Variants in SLC35F5 observed in about 807,000 individuals in gnomAD.
The protein encoded by SLC35F5 is solute carrier family 35 member F5.
In SLC35F5, 54 loss-of-function variants were observed where a neutral mutation model predicts 68.6. That is an observed-to-expected ratio of 0.79 (90% CI 0.63 to 0.99). The LOEUF (loss-of-function observed/expected upper bound fraction) is 0.99, where lower values mean the gene tolerates loss of function less well. Among genes scored for constraint, SLC35F5 ranks in the 50% least tolerant of loss-of-function variants. The pLI, the probability that SLC35F5 is intolerant of heterozygous loss-of-function variation, is 0.00. For missense variants in SLC35F5, 567 were observed against 626.9 expected, an observed-to-expected ratio of 0.90 and a Z score of 1.02; for synonymous variants, 211 against 205.2, an observed-to-expected ratio of 1.03 and a Z score of -0.24.
chr2:113,723,149 G>A lies in SLC35F5; in HGVS notation c.1296C>T (p.Ser432=), dbSNP rs773389335. 1.9e-6 allele frequency: 3 copies of A among 1,594,080 alleles called. No individual in the cohort carries two copies. Among genetic ancestry groups the A allele is most frequent in the East Asian group, 4.5e-5 (2 of 44,060 alleles). ...TSSLIGTLAL[S]LTIPLSIIAD... is the part of the protein sequence containing the mutation. ...CTATTATGGACAGAGGTATTGTAAG[G>A]CTTAGTGCAAGTGTGCCTATCAATG... is the stretch of plus-strand genomic sequence containing the variant. The change falls in exon 13 of 16, where the codon AGC becomes AGT. Residue 432 remains serine (S), a synonymous_variant. Transcript: ENST00000245680.
Position 113,712,780 on chromosome 2 carries a change from A to C in SLC35F5, c.*2438T>G, listed in dbSNP as rs1475689704. The C allele has an allele frequency of 6.6e-6, 1 of 152,264 alleles. No individual in the cohort carries two copies. Among genetic ancestry groups the C allele is most frequent in the Non-Finnish European group, 1.5e-5 (1 of 68,046 alleles). 9.4% of individuals were successfully genotyped at this position (152,264 alleles called of 1,614,324 possible). A position where few individuals can be genotyped will look rare whatever the true frequency, so the allele number is the denominator to read the frequency against. Reference sequence around the variant, plus strand: ...TTAAGTGATGAATGGAAAGAAAAGAAGGAGACTGAAAAGATATCAGAAATT... The same window carrying C: ...TTAAGTGATGAATGGAAAGAAAAGACGGAGACTGAAAAGATATCAGAAATT... On this transcript the variant is annotated 3_prime_UTR_variant, in exon 16 of 16. Transcript: ENST00000245680.
At position 113,706,884 on chromosome 2, in the gene SLC35F5, T is replaced by C. The variant is rs1203689329; in HGVS notation, c.*8334A>G. On this transcript the variant is annotated 3_prime_UTR_variant, in exon 16 of 16. Coordinates refer to ENST00000245680, the MANE Select transcript of SLC35F5 (RefSeq NM_025181.5). ...GCATTAAAAATCACAAATCTTATAT[T>C]TGGTTATCCACAGTCTATAAAATAA... is the stretch of plus-strand genomic sequence containing the variant. 6.6e-6 allele frequency among the ~76,000 whole-genome samples: 1 copy of C among 152,180 alleles called. No homozygotes were observed. The highest frequency in any genetic ancestry group is 2.4e-5 in the African/African-American group (1 of 41,442).
chr2:113,705,610 G>C (rs576850172), downstream of SLC35F5: 2 of 152,166 alleles, frequency 1.3e-5, no homozygotes, highest in Non-Finnish European at 2.9e-5. Context: ...CTAAAGGTTA[G>C]GATTGACAAA....
chr2:113,739,064 C>A (rs1451029977), intron 7 of SLC35F5, among the ~76,000 whole-genome samples: 1 of 151,888 alleles, frequency 6.6e-6, no homozygotes, highest in African/African-American at 2.4e-5. Flanking sequence ...TTCTATTGAA[C>A]AGCACTGCTC....
intron 15 of SLC35F5, among the ~76,000 whole-genome samples, chr2:113,716,956 T>C (rs780791851): frequency 2.6e-5 from 4 of 152,204 alleles, no homozygotes; most frequent in Non-Finnish European, 5.9e-5. Context: ...ACAGGAGTTG[T>C]ACAATGTTCT....
intron 6 of SLC35F5, 114 bp downstream of exon 6, chr2:113,743,599 T>A (rs1676369770): frequency 2.9e-6 from 2 of 698,370 alleles, no homozygotes; most frequent in Non-Finnish European, 4.9e-6. Flanking sequence ...ATAGGCTGAG[T>A]CAAGACCACA....
Position 113,707,617 on chromosome 2 carries a change from T to C in SLC35F5, c.*7601A>G, listed in dbSNP as rs548160902. Among the ~76,000 whole-genome samples, 1 of 152,202 alleles carries C rather than the reference T, an allele frequency of 6.6e-6. No individual in the cohort carries two copies. The highest frequency in any genetic ancestry group is 2.4e-5 in the African/African-American group (1 of 41,456). ...CTCTGTCACCCAGGCTGGAGTGCAG[T>C]GGTGTGATCTCAGCTCACTGCAACC... On this transcript the variant is annotated 3_prime_UTR_variant, in exon 16 of 16. Coordinates refer to ENST00000245680, the MANE Select transcript of SLC35F5 (RefSeq NM_025181.5).
intron 13 of SLC35F5, among the ~76,000 whole-genome samples, chr2:113,720,734 A>G (rs17048352): frequency 0.013 from 2,052 of 152,302 alleles, 53 homozygotes; most frequent in African/African-American, 0.046. Flanking sequence ...ATGCGATTAA[A>G]AATGTAGATA....
At chr2:113,741,070 T>C (rs544322240) in intron 7 of SLC35F5, among the ~76,000 whole-genome samples, 1 of 152,370 alleles carries the variant, frequency 6.6e-6, no homozygotes, top group East Asian at 1.9e-4. Context: ...AAAGATGGTA[T>C]ATCTGTACAA....
At chr2:113,706,363 G>T (rs986512071), downstream of SLC35F5, among the ~76,000 whole-genome samples, 1 of 152,102 alleles carries the variant, frequency 6.6e-6, no homozygotes, top group African/African-American at 2.4e-5. Flanking sequence ...TGCGGGGGTT[G>T]TGCTTCCTCT....
chr2:113,704,753 CCG>C (rs1686766179), downstream of SLC35F5, among the ~76,000 whole-genome samples: 1 of 152,098 alleles, frequency 6.6e-6, no homozygotes, highest in Non-Finnish European at 1.5e-5. Flanking sequence ...CCCGCAAGCA[CCG>C]CGCGCAGCCC....
intron 8 of SLC35F5, among the ~76,000 whole-genome samples, chr2:113,734,961 C>G (rs1688030328): frequency 6.6e-6 from 1 of 152,204 alleles, no homozygotes; most frequent in African/African-American, 2.4e-5. Context: ...TTCAGAGTAA[C>G]ATGCTGACTT....
At chr2:113,742,664 A>G (rs537858238) in intron 7 of SLC35F5, 28 bp downstream of exon 7, 1 of 1,608,658 alleles carries the variant, frequency 6.2e-7, no homozygotes, top group Admixed American at 1.7e-5. Context: ...TTCAAACATC[A>G]TATGCAAACA....
chr2:113,704,566 G>C (rs1324877402), downstream of SLC35F5, among the ~76,000 whole-genome samples: 1 of 152,204 alleles, frequency 6.6e-6, no homozygotes, highest in Non-Finnish European at 1.5e-5. Flanking sequence ...AGGCAGCTAA[G>C]GCCCGGCGAG....
Position 113,746,350 on chromosome 2 carries a change from A to G in SLC35F5, c.418-11T>C, listed in dbSNP as rs780734732. Reference sequence around the variant, plus strand: ...TTCAGCATCTGCAAACTAAATACAGATAACAAGATACAAAATTCAATGAAA... The same window carrying G: ...TTCAGCATCTGCAAACTAAATACAGGTAACAAGATACAAAATTCAATGAAA... On this transcript the variant is annotated splice_polypyrimidine_tract_variant and intron_variant, in intron 4 of 15. Transcript: ENST00000245680. The G allele has an allele frequency of 6.8e-6, 11 of 1,606,922 alleles. No individual in the cohort carries two copies. Among genetic ancestry groups the G allele is most frequent in the Middle Eastern group, 1.7e-4 (1 of 6,050 alleles).
At chr2:113,746,246 C>T in intron 5 of SLC35F5, 31 bp downstream of exon 5, 1 of 1,579,046 alleles carries the variant, frequency 6.3e-7, no homozygotes, top group Non-Finnish European at 8.7e-7. Context: ...AACCCCACCT[C>T]TCTATTCCTG....
chr2:113,745,774 A>C (rs538774639), intron 5 of SLC35F5, among the ~76,000 whole-genome samples: 2 of 152,338 alleles, frequency 1.3e-5, no homozygotes, highest in East Asian at 3.9e-4. Context: ...CAAATACTTA[A>C]AATAAGTGAC....
chr2:113,734,585 C>T lies in SLC35F5; in HGVS notation c.920+1G>A. ...AACTAGCTATCACACTATATGCTTA[C>T]CTTAAAATTACAGCTAATAGTTTAG... On this transcript the variant is annotated splice_donor_variant, in intron 9 of 15. Coordinates refer to ENST00000245680, the MANE Select transcript of SLC35F5 (RefSeq NM_025181.5). LOFTEE classifies it high-confidence loss of function. 2 of 1,532,048 alleles carry T rather than the reference C, an allele frequency of 1.3e-6. No individual in the cohort carries two copies. The highest frequency in any genetic ancestry group is 1.8e-6 in the Non-Finnish European group (2 of 1,111,350). 94.9% of individuals were successfully genotyped at this position (1,532,048 alleles called of 1,614,324 possible). A position where few individuals can be genotyped will look rare whatever the true frequency, so the allele number is the denominator to read the frequency against.
chr2:113,704,735 C>T (rs1402709377), downstream of SLC35F5, among the ~76,000 whole-genome samples: 4 of 152,076 alleles, frequency 2.6e-5, no homozygotes, highest in Non-Finnish European at 4.4e-5. Flanking sequence ...ACCCAGAACT[C>T]GCGCTGGCCC....
Sources: gnomAD v4.1 joint callset for allele counts (sites outside exome capture counted in the v4.1 genomes callset) on GRCh38, gnomAD v4.1.1 for gene constraint, MANE v1.5 for transcripts, NCBI Gene and HGNC (gene_info 2026-07-23, HGNC 2026-07-21) for gene names.